CEP135: variants seen among roughly 807,000 people sequenced by gnomAD.
CEP135 encodes the protein centrosomal protein 135.
In CEP135, 142 loss-of-function variants were observed where a neutral mutation model predicts 157.3. The ratio of observed to expected loss-of-function variants is 0.90; its 90% CI spans 0.79 to 1.04. CEP135 has a LOEUF of 1.04. CEP135 is among the 50% of genes least tolerant of loss of function. CEP135 has a pLI of 0.00. For synonymous variants in CEP135, 396 were observed against 439.8 expected (o/e 0.90, Z 1.25); for missense variants, 1,317 against 1,309.2 (o/e 1.01, Z -0.09).
At chr4:56,028,880 A>T (rs1731240301) in intron 25 of CEP135, among the ~76,000 whole-genome samples, 1 of 152,148 alleles carries the variant, frequency 6.6e-6, no homozygotes, top group African/African-American at 2.4e-5. Flanking sequence ...GCCTGGAGAT[A>T]GTGTCAGATC....
At chr4:55,988,659 C>CA (rs1729681183) in intron 14 of CEP135, among the ~76,000 whole-genome samples, 2 of 127,564 alleles carry the variant, frequency 1.6e-5, no homozygotes, top group African/African-American at 3.1e-5. Flanking sequence ...GACTCCGTCT[C>CA]AGAAAAAAAA....
intron 17 of CEP135, among the ~76,000 whole-genome samples, chr4:56,006,299 G>A (rs774546630): frequency 3.3e-5 from 5 of 152,006 alleles, no homozygotes; most frequent in Admixed American, 1.3e-4. Context: ...CTTTGACTGC[G>A]TAATTTCAAA....
intron 11 of CEP135, among the ~76,000 whole-genome samples, chr4:55,977,230 A>G (rs1025884334): frequency 6.6e-6 from 1 of 152,186 alleles, no homozygotes; most frequent in African/African-American, 2.4e-5. Context: ...GCTTTATGGC[A>G]GACTGTTAGG....
chr4:55,980,379 T>C (rs1325450099), intron 12 of CEP135, 84 bp downstream of exon 12: 18 of 784,962 alleles, frequency 2.3e-5, no homozygotes, highest in Non-Finnish European at 3.5e-5. Context: ...TTCACATTAC[T>C]ATAATATATG....
Position 55,953,282 on chromosome 4 carries a change from GA to G in CEP135, c.304+11del. ...TCAGACCAACACGTTAAAGGTAAGT[GA>G]AAATTTGATAATTTTTAAAATGCAA... On this transcript the variant is annotated splice_region_variant and intron_variant, in intron 3 of 25. Coordinates refer to ENST00000257287, the MANE Select transcript of CEP135 (RefSeq NM_025009.5). The G allele has an allele frequency of 6.7e-7, 1 of 1,484,456 alleles. No homozygotes were observed. Among genetic ancestry groups the G allele is most frequent in the Non-Finnish European group, 9.0e-7 (1 of 1,116,664 alleles). The allele number at this position is 1,484,456 out of a possible 1,614,324, so 92.0% of individuals were successfully genotyped here. A position where few individuals can be genotyped will look rare whatever the true frequency, so the allele number is the denominator to read the frequency against.
At chr4:55,999,973 T>C (rs1406809128) in intron 17 of CEP135, among the ~76,000 whole-genome samples, 1 of 152,180 alleles carries the variant, frequency 6.6e-6, no homozygotes, top group African/African-American at 2.4e-5. Flanking sequence ...GAGGATTGCT[T>C]GAGCTCAGGA....
chr4:56,019,396 T>G lies in CEP135; in HGVS notation c.3056T>G (p.Leu1019Arg). 3.7e-6 allele frequency: 6 copies of G among 1,613,802 alleles called. No homozygotes were observed. Among genetic ancestry groups the G allele is most frequent in the Non-Finnish European group, 5.1e-6 (6 of 1,179,912 alleles). Reference sequence around the variant, plus strand: ...AATGTAAAGTCAGAGTCAGACCTACTGAAAAAACAACTTTCAAATGAGAGA... The same window carrying G: ...AATGTAAAGTCAGAGTCAGACCTACGGAAAAAACAACTTTCAAATGAGAGA... ...LENVKSESDLLKKQLSNERHT... is the reference protein window; with the variant it reads ...LENVKSESDLRKKQLSNERHT... Residue 1019 changes from leucine to arginine, a missense_variant, in exon 23 of 26, where the codon CTG becomes CGG. Leu to Arg is a moderately radical substitution (Grantham distance 102). Transcript: ENST00000257287.
rs940785573 is a variant in CEP135, at chr4:55,968,964, G to T, written c.1045-99G>T. 1.7e-5 allele frequency: 13 copies of T among 777,672 alleles called. No homozygotes were observed. The Admixed American group carries it at 3.9e-4, about 23-fold the overall frequency. 48.2% of individuals were successfully genotyped at this position (777,672 alleles called of 1,614,324 possible). On this transcript the variant is annotated intron_variant, in intron 8 of 25. Coordinates refer to ENST00000257287, the MANE Select transcript of CEP135 (RefSeq NM_025009.5). Reference sequence around the variant, plus strand: ...AAAGCCTCAGATCTCACTGGTAAGAGGGAACGTGAAGTAATTGCAAAATTA... The same window carrying T: ...AAAGCCTCAGATCTCACTGGTAAGATGGAACGTGAAGTAATTGCAAAATTA...
Position 55,991,943 on chromosome 4 carries a change from GA to G in CEP135, c.1872del (p.Lys624AsnfsTer4). 6.8e-7 allele frequency: 1 copy of G among 1,468,724 alleles called. No homozygotes were observed. The highest frequency in any genetic ancestry group is 9.3e-7 in the Non-Finnish European group (1 of 1,079,740). 91.0% of individuals were successfully genotyped at this position (1,468,724 alleles called of 1,614,324 possible). On this transcript the variant is annotated frameshift_variant, in exon 15 of 26. Coordinates refer to ENST00000257287, the MANE Select transcript of CEP135 (RefSeq NM_025009.5). LOFTEE classifies it high-confidence loss of function. ...LTCVNHQLES[E>X]KYELKSKVLI... ...TTTATTTAAATTATAGCTTGAAAGCGAAAAATATGAATTAAAGTCTAAAGTG... is the reference window on the plus strand; with the variant it reads ...TTTATTTAAATTATAGCTTGAAAGCGAAAATATGAATTAAAGTCTAAAGTG...
rs896928991 is a variant in CEP135 at position 56,026,227 on chromosome 4, C to T, written c.*11+1613C>T. On this transcript the variant is annotated intron_variant, in intron 25 of 25. Coordinates refer to ENST00000257287, the MANE Select transcript of CEP135 (RefSeq NM_025009.5). ...CCATCCAAAAAAATAAAATATAAAG[C>T]CTGGCACAGGAGACTGAGGTTGCAG... Among the ~76,000 whole-genome samples the T allele has an allele frequency of 8.6e-5, 13 of 152,014 alleles. No individual in the cohort carries two copies. In the South Asian group the frequency reaches 1.3e-3, roughly 15 times the overall value.
chr4:55,965,351 C>T (rs537856038), intron 7 of CEP135: 6 of 260,966 alleles, frequency 2.3e-5, no homozygotes, highest in Middle Eastern at 1.3e-3. Flanking sequence ...TTGAACAACA[C>T]AGTCTATTAT....
rs765236551 is a variant in CEP135, at chr4:55,950,640, TA to T, written c.-45-1434del. ...TCTCTAAAAAAGGTAACAATTAAAA[TA>T]AAAAAAAAAAAGAAATGCTCTTTGG... On this transcript the variant is annotated intron_variant, in intron 1 of 25. Coordinates refer to ENST00000257287, the MANE Select transcript of CEP135 (RefSeq NM_025009.5). 7.6e-3 allele frequency among the ~76,000 whole-genome samples: 1,010 copies of T among 133,022 alleles called. 5 individuals carry two copies. The highest frequency in any genetic ancestry group is 9.6e-3 in the Non-Finnish European group (584 of 60,720). The allele number at this position is 133,022 out of a possible 152,430, so 87.3% of individuals were successfully genotyped here. A position where few individuals can be genotyped will look rare whatever the true frequency, so the allele number is the denominator to read the frequency against.
rs1728377366 is a variant in CEP135, at chr4:55,952,174, G to A, written c.44G>A (p.Arg15Lys). 2 of 1,613,464 alleles carry A rather than the reference G, an allele frequency of 1.2e-6. No individual in the cohort carries two copies. Among genetic ancestry groups the A allele is most frequent in the Non-Finnish European group, 1.7e-6 (2 of 1,179,410 alleles). The change falls in exon 2 of 26, where the codon AGG becomes AAG. Residue 15 changes from arginine (R) to lysine (K), a missense_variant. Arg to Lys is a conservative substitution (Grantham distance 26). Transcript: ENST00000257287. ...AGAAAGTATATTAATATTAGGAAAAGGCTGGATCAGCTGGGATACCGCCAG... is the reference window on the plus strand; with the variant it reads ...AGAAAGTATATTAATATTAGGAAAAAGCTGGATCAGCTGGGATACCGCCAG... ...VERKYINIRK[R>K]LDQLGYRQTL... is the part of the protein sequence containing the mutation.
chr4:56,026,910 T>C (rs962244992), intron 25 of CEP135, among the ~76,000 whole-genome samples: 4 of 152,224 alleles, frequency 2.6e-5, no homozygotes, highest in African/African-American at 9.6e-5. Flanking sequence ...TACATTTCTT[T>C]GCCTCTTTTG....
intron 11 of CEP135, among the ~76,000 whole-genome samples, chr4:55,976,246 A>AAAAG (rs1223201888): frequency 1.3e-4 from 19 of 150,980 alleles, no homozygotes; most frequent in Non-Finnish European, 1.8e-4. Context: ...AAAAAAAAAA[A>AAAAG]AAAGAAAGAA....
chr4:55,970,501 G>A (rs935220049), intron 9 of CEP135, among the ~76,000 whole-genome samples: 1 of 152,178 alleles, frequency 6.6e-6, no homozygotes, highest in Non-Finnish European at 1.5e-5. Context: ...TCTAGCTGCA[G>A]TGTCCTGGTG....
chr4:55,980,351 T>A, intron 12 of CEP135, 56 bp downstream of exon 12: 6 of 1,144,970 alleles, frequency 5.2e-6, no homozygotes, highest in Admixed American at 2.4e-5. Context: ...TTAACTATAA[T>A]GGAGCCTGTA....
intron 2 of CEP135, 131 bp from the exon 3 acceptor site, chr4:55,952,954 T>C: frequency 1.4e-6 from 1 of 693,590 alleles, no homozygotes; most frequent in Admixed American, 3.8e-5. Context: ...CCTTCCTATA[T>C]GTGGTCTGTC....
chr4:55,971,485 A>G (rs748049381), intron 10 of CEP135, 77 bp downstream of exon 10: 1 of 1,273,034 alleles, frequency 7.9e-7, no homozygotes, highest in Non-Finnish European at 1.1e-6. Flanking sequence ...GTAGATATTC[A>G]TTCATTCATT....
Sources: gnomAD v4.1 joint callset for allele counts (sites outside exome capture counted in the v4.1 genomes callset) on GRCh38, gnomAD v4.1.1 for gene constraint, MANE v1.5 for transcripts, NCBI Gene and HGNC (gene_info 2026-07-23, HGNC 2026-07-21) for gene names.